Variants in PRKCE observed in about 807,000 individuals in gnomAD.
PRKCE encodes the protein protein kinase C epsilon type.
PRKCE carries 16 observed loss-of-function variants against 85.4 expected under a neutral mutation model. The observed-to-expected ratio is 0.19, with a 90% CI of 0.13 to 0.28. PRKCE has a LOEUF of 0.28. Ranked by LOEUF, PRKCE falls within the 10% of genes least tolerant of loss-of-function variation. PRKCE has a pLI of 1.00. For synonymous variants in PRKCE, 388 were observed against 371.5 expected (o/e 1.04, Z -0.51); for missense variants, 573 against 975.2 (o/e 0.59, Z 5.49).
chr2:46,111,190 A>G (rs955954865), intron 11 of PRKCE, among the ~76,000 whole-genome samples: 3 of 76,188 alleles, frequency 3.9e-5, no homozygotes, highest in African/African-American at 6.8e-5. Flanking sequence ...ATAAATGTCA[A>G]TTTATAAATG....
intron 1 of PRKCE, among the ~76,000 whole-genome samples, chr2:45,779,088 G>C (rs1193275373): frequency 6.6e-6 from 1 of 152,202 alleles, no homozygotes; most frequent in Non-Finnish European, 1.5e-5. Context: ...TTATACGTGA[G>C]GAAACCCAGG....
chr2:45,845,005 CAG>C (rs1691660900), intron 2 of PRKCE, among the ~76,000 whole-genome samples: 1 of 151,214 alleles, frequency 6.6e-6, no homozygotes, highest in Non-Finnish European at 1.5e-5. Context: ...TGACACATGC[CAG>C]AGTCTGAAAA....
intron 10 of PRKCE, among the ~76,000 whole-genome samples, chr2:46,076,336 C>T (rs186112336): frequency 1.3e-5 from 2 of 152,248 alleles, no homozygotes; most frequent in East Asian, 1.9e-4. Flanking sequence ...TGTTGATGAC[C>T]CCTGGAAAAG....
intron 2 of PRKCE, among the ~76,000 whole-genome samples, chr2:45,934,483 T>C (rs1322496176): frequency 6.6e-6 from 1 of 151,996 alleles, no homozygotes; most frequent in South Asian, 2.1e-4. Context: ...ACCCCATCTC[T>C]ACTAAAAATA....
intron 1 of PRKCE, among the ~76,000 whole-genome samples, chr2:45,762,211 T>G (rs553853961): frequency 6.6e-6 from 1 of 152,352 alleles, no homozygotes; most frequent in African/African-American, 2.4e-5. Flanking sequence ...TTCCGAAGGA[T>G]TTAGGACTCT....
chr2:45,883,136 C>T (rs1695004546), intron 2 of PRKCE, among the ~76,000 whole-genome samples: 1 of 152,240 alleles, frequency 6.6e-6, no homozygotes, highest in East Asian at 1.9e-4. Flanking sequence ...ATTCCTGCAG[C>T]CAGCCATTCT....
At chr2:45,710,994 A>G (rs1679581777) in intron 1 of PRKCE, among the ~76,000 whole-genome samples, 1 of 152,156 alleles carries the variant, frequency 6.6e-6, no homozygotes, top group African/African-American at 2.4e-5. Flanking sequence ...ATCTCTCACT[A>G]TTCTAAGTAT....
chr2:45,715,863 C>A (rs1291760571), intron 1 of PRKCE, among the ~76,000 whole-genome samples: 2 of 152,088 alleles, frequency 1.3e-5, no homozygotes, highest in African/African-American at 4.8e-5. Flanking sequence ...GTCCACAAAG[C>A]CTATCTTGAT....
chr2:45,960,684 C>A (rs1163456280), intron 2 of PRKCE, among the ~76,000 whole-genome samples: 2 of 152,216 alleles, frequency 1.3e-5, no homozygotes, highest in African/African-American at 4.8e-5. Flanking sequence ...CTGTGGTCCC[C>A]TGGGGATTGG....
chr2:45,922,080 C>T (rs1698290042), intron 2 of PRKCE, among the ~76,000 whole-genome samples: 1 of 152,126 alleles, frequency 6.6e-6, no homozygotes, highest in Non-Finnish European at 1.5e-5. Context: ...GGACTATTTT[C>T]TTAAGGGCAT....
At chr2:45,932,781 T>C (rs183802519) in intron 2 of PRKCE, among the ~76,000 whole-genome samples, 1 of 152,306 alleles carries the variant, frequency 6.6e-6, no homozygotes, top group East Asian at 1.9e-4. Context: ...CACGAAACAC[T>C]AACTCTCTAC....
intron 10 of PRKCE, among the ~76,000 whole-genome samples, chr2:46,066,947 C>T (rs1441479784): frequency 1.3e-5 from 2 of 152,134 alleles, no homozygotes; most frequent in Admixed American, 1.3e-4. Context: ...GGAATATGTT[C>T]AAAGTGATGA....
intron 1 of PRKCE, among the ~76,000 whole-genome samples, chr2:45,824,691 T>A (rs1257521059): frequency 1.3e-5 from 2 of 151,956 alleles, no homozygotes; most frequent in Non-Finnish European, 2.9e-5. Context: ...TAATGGACCC[T>A]CATGCCTCTA....
intron 11 of PRKCE, among the ~76,000 whole-genome samples, chr2:46,141,625 G>A (rs1014820807): frequency 6.6e-6 from 1 of 152,106 alleles, no homozygotes; most frequent in African/African-American, 2.4e-5. Context: ...ATAGATAAAT[G>A]AGTATAGGCT....
rs982329967 is a variant in PRKCE at position 45,820,969 on chromosome 2, T to G, written c.349-22031T>G. Among the ~76,000 whole-genome samples, 3 of 151,846 alleles carry G rather than the reference T, an allele frequency of 2.0e-5. No homozygotes were observed. In the East Asian group the frequency reaches 5.8e-4, roughly 30 times the overall value. On this transcript the variant is annotated intron_variant, in intron 1 of 14. Coordinates refer to ENST00000306156, the MANE Select transcript of PRKCE (RefSeq NM_005400.3). ...AGCTCCCTCACATCCAGAAAACTTG[T>G]TTGGGTCTGGCGACAAATCACCTTA...
intron 2 of PRKCE, among the ~76,000 whole-genome samples, chr2:45,877,385 G>A (rs927810546): frequency 6.6e-6 from 1 of 151,384 alleles, no homozygotes; most frequent in Non-Finnish European, 1.5e-5. Context: ...TCTCTCTCTG[G>A]GATCCTGATT....
chr2:46,120,125 G>T (rs1280972122), intron 11 of PRKCE, among the ~76,000 whole-genome samples: 1 of 152,154 alleles, frequency 6.6e-6, no homozygotes, highest in African/African-American at 2.4e-5. Context: ...ATAGAATTTG[G>T]TTTTTAAGCA....
At chr2:45,672,436 A>T (rs191680362) in intron 1 of PRKCE, among the ~76,000 whole-genome samples, 240 of 152,186 alleles carry the variant, frequency 1.6e-3, no homozygotes, top group Middle Eastern at 6.8e-3. Context: ...CTATCTCTCC[A>T]TCCATCCATC....
intron 2 of PRKCE, among the ~76,000 whole-genome samples, chr2:45,928,530 A>G (rs1371953893): frequency 6.6e-6 from 1 of 152,210 alleles, no homozygotes; most frequent in Non-Finnish European, 1.5e-5. Flanking sequence ...TCGGCTTCCC[A>G]AAGTGCTAGG....
Sources: gnomAD v4.1 joint callset for allele counts (sites outside exome capture counted in the v4.1 genomes callset) on GRCh38, gnomAD v4.1.1 for gene constraint, MANE v1.5 for transcripts, NCBI Gene and HGNC (gene_info 2026-07-23, HGNC 2026-07-21) for gene names.